The following COX7B2 variants were observed in gnomAD, a reference collection of about 807,000 sequenced individuals.
The protein encoded by COX7B2 is cytochrome c oxidase subunit 7B2, also known as cytochrome c oxidase subunit 7B2, mitochondrial.
For synonymous variants in COX7B2, 37 were observed against 32.1 expected, an observed-to-expected ratio of 1.15 and a Z score of -0.51; for missense variants, 109 against 95.9, an observed-to-expected ratio of 1.14 and a Z score of -0.57.
chr4:46,816,661 G>C (rs962452557), intron 2 of COX7B2, among the ~76,000 whole-genome samples: 1 of 151,840 alleles, frequency 6.6e-6, no homozygotes, highest in East Asian at 1.9e-4. Context: ...TTTTGCATTA[G>C]GATGCTTTTC....
At chr4:46,828,591 A>C (rs1264297456) in intron 2 of COX7B2, among the ~76,000 whole-genome samples, 3 of 152,190 alleles carry the variant, frequency 2.0e-5, no homozygotes, top group African/African-American at 4.8e-5. Context: ...AATGGAATAA[A>C]ATGTGATAAT....
At chr4:46,753,596 A>T (rs1487496746) in intron 2 of COX7B2, among the ~76,000 whole-genome samples, 2 of 152,042 alleles carry the variant, frequency 1.3e-5, no homozygotes, top group Non-Finnish European at 2.9e-5. Context: ...GTTAGACCTA[A>T]AACCATAAAA....
At chr4:46,791,291 G>A (rs953847981) in intron 2 of COX7B2, among the ~76,000 whole-genome samples, 2 of 151,960 alleles carry the variant, frequency 1.3e-5, no homozygotes, top group Admixed American at 1.3e-4. Flanking sequence ...TTACAGGCGT[G>A]AGCCACCGTG....
chr4:46,767,563 G>C (rs911078294), intron 2 of COX7B2, among the ~76,000 whole-genome samples: 1 of 151,912 alleles, frequency 6.6e-6, no homozygotes, highest in African/African-American at 2.4e-5. Context: ...TCTTTCCAAA[G>C]CACACAAAAC....
chr4:46,792,299 G>A (rs997883894), intron 2 of COX7B2, among the ~76,000 whole-genome samples: 1 of 151,996 alleles, frequency 6.6e-6, no homozygotes, highest in Non-Finnish European at 1.5e-5. Flanking sequence ...AGTGTGACTC[G>A]GCAATGGGAT....
chr4:46,815,390 A>G (rs1719497959), intron 2 of COX7B2, among the ~76,000 whole-genome samples: 1 of 151,886 alleles, frequency 6.6e-6, no homozygotes, highest in South Asian at 2.1e-4. Context: ...AGTCACATTT[A>G]TTATTATGGC....
At chr4:46,782,056 G>C (rs117095745) in intron 2 of COX7B2, among the ~76,000 whole-genome samples, 1 of 152,144 alleles carries the variant, frequency 6.6e-6, no homozygotes, top group Non-Finnish European at 1.5e-5. Flanking sequence ...CACGTGGCGC[G>C]GACTGGTGGG....
intron 1 of COX7B2, among the ~76,000 whole-genome samples, chr4:46,897,120 A>G (rs1719810393): frequency 6.6e-6 from 1 of 152,158 alleles, no homozygotes; most frequent in African/African-American, 2.4e-5. Flanking sequence ...CAAATGTCCT[A>G]TGTTAGCCTC....
At chr4:46,834,325 A>G (rs183887291) in intron 2 of COX7B2, among the ~76,000 whole-genome samples, 37 of 152,252 alleles carry the variant, frequency 2.4e-4, no homozygotes, top group African/African-American at 7.9e-4. Context: ...ATGAAAAAAG[A>G]CAAGAAAAGA....
At chr4:46,822,177 T>C (rs180811690) in intron 2 of COX7B2, among the ~76,000 whole-genome samples, 12 of 152,236 alleles carry the variant, frequency 7.9e-5, no homozygotes, top group Admixed American at 2.6e-4. Flanking sequence ...TCCTGAAGTG[T>C]TGGGATTACA....
intron 1 of COX7B2, among the ~76,000 whole-genome samples, chr4:46,857,154 C>A (rs925535559): frequency 1.3e-5 from 2 of 152,178 alleles, no homozygotes; most frequent in Non-Finnish European, 2.9e-5. Flanking sequence ...GGTAACAGTA[C>A]ACATCTCCCA....
At chr4:46,738,708 AAAAG>A (rs1284617056) in intron 2 of COX7B2, among the ~76,000 whole-genome samples, 19 of 152,222 alleles carry the variant, frequency 1.2e-4, no homozygotes, top group African/African-American at 3.6e-4. Context: ...GAAAGCATAA[AAAAG>A]AAATTCAATA....
chr4:46,861,780 C>T (rs758483985), intron 1 of COX7B2, among the ~76,000 whole-genome samples: 13 of 152,118 alleles, frequency 8.5e-5, no homozygotes, highest in Admixed American at 1.3e-4. Flanking sequence ...AGCAGCTGTG[C>T]CAGTTTTGCT....
chr4:46,871,733 G>A (rs1718004636), intron 1 of COX7B2, among the ~76,000 whole-genome samples: 1 of 150,766 alleles, frequency 6.6e-6, no homozygotes, highest in Admixed American at 6.6e-5. Flanking sequence ...ATGAAAAAAA[G>A]CTCCATGTAA....
chr4:46,735,020 G>A lies in COX7B2; in HGVS notation c.173C>T (p.Ala58Val). Reference protein sequence around the residue: ...AFCVATWVFTATQIGIEWNLS... With the variant: ...AFCVATWVFTVTQIGIEWNLS... The stretch of plus-strand genomic sequence containing the variant: ...GTTCCATTCTATTCCAATCTGAGTG[G>A]CTGTAAACACCCATGTAGCAACACA... The change falls in exon 3 of 3, where the codon GCC becomes GTC. Residue 58 changes from alanine (A) to valine (V), a missense_variant. Coordinates refer to ENST00000355591, the MANE Select transcript of COX7B2 (RefSeq NM_130902.3). 1 of 1,613,988 alleles carries A rather than the reference G, an allele frequency of 6.2e-7. No individual in the cohort carries two copies. Among genetic ancestry groups the A allele is most frequent in the Non-Finnish European group, 8.5e-7 (1 of 1,179,938 alleles).
chr4:46,876,310 TG>T (rs1397929716), intron 1 of COX7B2, among the ~76,000 whole-genome samples: 1 of 152,076 alleles, frequency 6.6e-6, no homozygotes, highest in East Asian at 1.9e-4. Flanking sequence ...ATATACCAGA[TG>T]GTGATATTTA....
intron 1 of COX7B2, among the ~76,000 whole-genome samples, chr4:46,907,330 C>A (rs941767178): frequency 2.0e-5 from 3 of 152,112 alleles, no homozygotes; most frequent in Non-Finnish European, 4.4e-5. Flanking sequence ...TTCTCCAGCT[C>A]TAACTTATTT....
At chr4:46,803,516 A>G (rs1302560276) in intron 2 of COX7B2, among the ~76,000 whole-genome samples, 6 of 152,146 alleles carry the variant, frequency 3.9e-5, no homozygotes, top group Non-Finnish European at 8.8e-5. Context: ...AGACTATGAA[A>G]ATATCTTAAG....
At chr4:46,908,830 A>G (rs1720566420) in intron 1 of COX7B2, among the ~76,000 whole-genome samples, 1 of 151,584 alleles carries the variant, frequency 6.6e-6, no homozygotes, top group Admixed American at 6.6e-5. Context: ...TCACGAGGTC[A>G]GGAGATCGAG....
Sources: allele counts gnomAD v4.1 joint callset (sites outside exome capture counted in the v4.1 genomes callset), GRCh38; gene constraint gnomAD v4.1.1; transcripts MANE v1.5; gene names NCBI Gene and HGNC (gene_info 2026-07-23, HGNC 2026-07-21).